Variants in ATRIP observed in about 807,000 individuals in gnomAD.
ATRIP encodes ATR-interacting protein.
Under a neutral mutation model 78.1 loss-of-function variants are expected in ATRIP, and 44 were observed. The observed-to-expected ratio is 0.56, with a 90% CI of 0.44 to 0.72. The LOEUF is 0.72. Among genes scored for constraint, ATRIP ranks in the 30% least tolerant of loss-of-function variants. The pLI is 0.00. For synonymous variants in ATRIP, 388 were observed against 408.9 expected (o/e 0.95, Z 0.62); for missense variants, 927 against 980.2 (o/e 0.95, Z 0.72).
At position 48,460,496 on chromosome 3, in the gene ATRIP, T is replaced by G; in HGVS notation, c.1442T>G (p.Ile481Ser). 5 of 1,612,342 alleles carry G rather than the reference T, an allele frequency of 3.1e-6. No individual in the cohort carries two copies. The highest frequency in any genetic ancestry group is 4.2e-6 in the Non-Finnish European group (5 of 1,178,990). Residue 481 changes from isoleucine (I) to serine (S), a missense_variant, in exon 8 of 13, where the codon ATT (isoleucine) becomes AGT (serine). Coordinates refer to ENST00000320211, the MANE Select transcript of ATRIP (RefSeq NM_130384.3). ...GGCTTCTCTGTGACTGCACTTAGCA[T>G]TCTTCAGCACCTGGTGTGCCACAGC... ...LEGFSVTALS[I>S]LQHLVCHSGA...
intron 8 of ATRIP, among the ~76,000 whole-genome samples, chr3:48,462,056 A>G (rs1015672859): frequency 6.6e-6 from 1 of 152,008 alleles, no homozygotes; most frequent in African/African-American, 2.4e-5. Flanking sequence ...GGCTGGGCAC[A>G]GTGGCTCCTG....
At chr3:48,461,406 T>G (rs2040108839) in intron 8 of ATRIP, 1 of 152,332 alleles carries the variant, frequency 6.6e-6, no homozygotes, top group Non-Finnish European at 1.5e-5. Flanking sequence ...GCCCACCCCC[T>G]CATCCAGTAA....
At chr3:48,452,870 A>ATTTTTT (rs71074246) in intron 3 of ATRIP, among the ~76,000 whole-genome samples, 1 of 117,500 alleles carries the variant, frequency 8.5e-6, no homozygotes, top group Non-Finnish European at 1.7e-5. Flanking sequence ...AAATTATTGA[A>ATTTTTT]TTTTTTTTTT....
At chr3:48,447,831 G>A (rs1439657320) in intron 1 of ATRIP, among the ~76,000 whole-genome samples, 2 of 152,188 alleles carry the variant, frequency 1.3e-5, no homozygotes, top group African/African-American at 4.8e-5. Flanking sequence ...AGAGAATGAT[G>A]ACCAGATGTT....
intron 5 of ATRIP, among the ~76,000 whole-genome samples, chr3:48,457,980 C>T (rs1325643562): frequency 6.6e-6 from 1 of 151,684 alleles, no homozygotes; most frequent in Admixed American, 6.6e-5. Flanking sequence ...CCCATTAACT[C>T]GTCATTTAGC....
intron 4 of ATRIP, among the ~76,000 whole-genome samples, chr3:48,456,130 A>G (rs2039949438): frequency 6.6e-6 from 1 of 151,796 alleles, no homozygotes; most frequent in Non-Finnish European, 1.5e-5. Flanking sequence ...AGAAAAAAAA[A>G]TAGTTTGTTC....
At chr3:48,447,136 C>T (rs1271011529) in intron 1 of ATRIP, 44 bp downstream of exon 1, 1 of 1,438,962 alleles carries the variant, frequency 6.9e-7, no homozygotes, top group African/African-American at 1.5e-5. Flanking sequence ...AGTTGTCAAC[C>T]GCGCCAGATC....
chr3:48,447,482 T>A, intron 1 of ATRIP: 1 of 995,936 alleles, frequency 1.0e-6, no homozygotes, highest in Non-Finnish European at 1.2e-6. Context: ...AAGCCCACTG[T>A]CTCCCTTGGG....
chr3:48,466,891 C>T lies in ATRIP; in HGVS notation c.*1337C>T, dbSNP rs549466141. 2 of 1,612,516 alleles carry T rather than the reference C, an allele frequency of 1.2e-6. No individual in the cohort carries two copies. The highest frequency in any genetic ancestry group is 1.1e-5 in the South Asian group (1 of 91,088). On this transcript the variant is annotated 3_prime_UTR_variant, in exon 13 of 13. Transcript: ENST00000320211. Reference sequence around the variant, plus strand: ...GTGGCTCCGGGGAAGGCCTGCAGCCCTGCAGCCAGCGAGATCACAGGTCTG... The same window carrying T: ...GTGGCTCCGGGGAAGGCCTGCAGCCTTGCAGCCAGCGAGATCACAGGTCTG...
rs1242099320 is a variant in ATRIP at position 48,466,182 on chromosome 3, G to A, written c.*628G>A. Reference sequence around the variant, plus strand: ...ACAGACCAGGCAGGCTGACGAGCAGGGCGGGCCTGGCTCACGTGGGCCTGT... The same window carrying A: ...ACAGACCAGGCAGGCTGACGAGCAGAGCGGGCCTGGCTCACGTGGGCCTGT... On this transcript the variant is annotated 3_prime_UTR_variant, in exon 13 of 13. Transcript: ENST00000320211. 1.1e-4 allele frequency: 55 copies of A among 521,824 alleles called. 1 individual carries two copies. In the East Asian group the frequency reaches 1.9e-3, roughly 18 times the overall value. The allele number at this position is 521,824 out of a possible 1,614,324, so 32.3% of individuals were successfully genotyped here.
intron 3 of ATRIP, 38 bp from the exon 4 acceptor site, chr3:48,454,262 G>C (rs1294671914): frequency 1.6e-6 from 2 of 1,241,226 alleles, no homozygotes; most frequent in South Asian, 1.2e-5. Context: ...TTGTGTATAT[G>C]ATGGGACCAC....
chr3:48,447,345 T>C, intron 1 of ATRIP: 1 of 1,175,060 alleles, frequency 8.5e-7, no homozygotes, highest in Non-Finnish European at 1.1e-6. Flanking sequence ...TTCTAAAGTT[T>C]AGGCCACTTG....
In ATRIP at chr3:48,463,845, C is replaced by T. The variant is rs763652758; in HGVS notation, c.1846C>T (p.His616Tyr). 2.5e-6 allele frequency: 4 copies of T among 1,614,132 alleles called. No homozygotes were observed. Among genetic ancestry groups the T allele is most frequent in the South Asian group, 1.1e-5 (1 of 91,078 alleles). The change falls in exon 9 of 13, where the codon CAC becomes TAC. Residue 616 changes from histidine to tyrosine, a missense_variant. By Grantham distance (83) the His-to-Tyr change is moderately conservative. Coordinates refer to ENST00000320211, the MANE Select transcript of ATRIP (RefSeq NM_130384.3). ...AVELLSLLAD[H>Y]DQLAPQLCSH... Reference sequence around the variant, plus strand: ...TGAGCTCCTCTCCCTGCTGGCGGACCACGACCAGCTGGCACCTCAGCTCTG... The same window carrying T: ...TGAGCTCCTCTCCCTGCTGGCGGACTACGACCAGCTGGCACCTCAGCTCTG...
chr3:48,450,768 G>C (rs1042440178), intron 2 of ATRIP, among the ~76,000 whole-genome samples: 19 of 151,912 alleles, frequency 1.3e-4, no homozygotes, highest in African/African-American at 4.4e-4. Flanking sequence ...TGTATTTTTA[G>C]TAGAGACGGA....
In ATRIP at chr3:48,454,280, A is replaced by T; in HGVS notation, c.553-20A>T. The T allele has an allele frequency of 6.8e-7, 1 of 1,466,726 alleles. No homozygotes were observed. Among genetic ancestry groups the T allele is most frequent in the Non-Finnish European group, 9.6e-7 (1 of 1,046,812 alleles). The allele number at this position is 1,466,726 out of a possible 1,614,324, so 90.9% of individuals were successfully genotyped here. ...TGTATATGATGGGACCACTACAAGCATGTTTCTTTTGCCTTCCAGCTCCAA... is the reference window on the plus strand; with the variant it reads ...TGTATATGATGGGACCACTACAAGCTTGTTTCTTTTGCCTTCCAGCTCCAA... On this transcript the variant is annotated intron_variant, in intron 3 of 12. Coordinates refer to ENST00000320211, the MANE Select transcript of ATRIP (RefSeq NM_130384.3).
chr3:48,464,809 G>A, intron 11 of ATRIP, 22 bp from the exon 12 acceptor site: 1 of 1,603,334 alleles, frequency 6.2e-7, no homozygotes, highest in Non-Finnish European at 8.5e-7. Context: ...CCAGGCCTCA[G>A]TCTGCACCCC....
chr3:48,448,172 T>TC (rs1462006275), intron 1 of ATRIP, among the ~76,000 whole-genome samples: 2 of 150,212 alleles, frequency 1.3e-5, no homozygotes, highest in Non-Finnish European at 3.0e-5. Flanking sequence ...TTTTTTTTTT[T>TC]TTTTTTTTTG....
intron 8 of ATRIP, among the ~76,000 whole-genome samples, chr3:48,463,107 C>T (rs979755078): frequency 5.3e-5 from 8 of 152,232 alleles, no homozygotes; most frequent in African/African-American, 1.9e-4. Flanking sequence ...GTCCATCGTG[C>T]TCCCCCAGGC....
intron 8 of ATRIP, among the ~76,000 whole-genome samples, chr3:48,462,275 C>T (rs2040138897): frequency 6.7e-6 from 1 of 148,628 alleles, no homozygotes; most frequent in Non-Finnish European, 1.5e-5. Context: ...ATCCCAGAAA[C>T]CATGTTTTTA....
Sources: gnomAD v4.1 joint callset for allele counts (sites outside exome capture counted in the v4.1 genomes callset) on GRCh38, gnomAD v4.1.1 for gene constraint, MANE v1.5 for transcripts, NCBI Gene and HGNC (gene_info 2026-07-23, HGNC 2026-07-21) for gene names.